Variants in GNAQ observed in about 807,000 individuals in gnomAD.
GNAQ encodes the protein G protein subunit alpha q.
Under a neutral mutation model 43.9 loss-of-function variants are expected in GNAQ, and 8 were observed. The observed-to-expected ratio is 0.18, with a 90% confidence interval of 0.11 to 0.33. GNAQ has a LOEUF of 0.33. GNAQ is among the 10% of genes least tolerant of loss of function. The pLI, the probability that GNAQ is intolerant of heterozygous loss-of-function variation, is 1.00. For missense variants in GNAQ, 158 were observed against 450.8 expected, an observed-to-expected ratio of 0.35 and a Z score of 5.88; for synonymous variants, 155 against 170.7, an observed-to-expected ratio of 0.91 and a Z score of 0.71.
chr9:77,992,828 C>G (rs1248767482), intron 1 of GNAQ, among the ~76,000 whole-genome samples: 1 of 151,922 alleles, frequency 6.6e-6, no homozygotes, highest in Non-Finnish European at 1.5e-5. Context: ...GCCTGTAATC[C>G]CAGCTACTTG....
Position 77,719,470 on chromosome 9 carries a change from A to C in GNAQ, c.*1853T>G. ...GTAAGCTGTGTTGTTTGAGGCTGGG[A>C]GAATCAAGGATGAGAACATCTCATT... On this transcript the variant is annotated 3_prime_UTR_variant, in exon 7 of 7. Coordinates refer to ENST00000286548, the MANE Select transcript of GNAQ (RefSeq NM_002072.5). 1 of 232,736 alleles carries C rather than the reference A, an allele frequency of 4.3e-6. No homozygotes were observed. Among genetic ancestry groups the C allele is most frequent in the Middle Eastern group, 1.3e-3 (1 of 786 alleles). 14.4% of individuals were successfully genotyped at this position (232,736 alleles called of 1,614,324 possible).
At chr9:77,936,818 C>T (rs539877849) in intron 1 of GNAQ, among the ~76,000 whole-genome samples, 2 of 152,134 alleles carry the variant, frequency 1.3e-5, no homozygotes, top group African/African-American at 4.8e-5. Flanking sequence ...GTACTTAAGG[C>T]TCTCCCAAGT....
intron 2 of GNAQ, among the ~76,000 whole-genome samples, chr9:77,912,451 C>T (rs968424842): frequency 1.3e-5 from 2 of 152,010 alleles, no homozygotes; most frequent in Non-Finnish European, 2.9e-5. Flanking sequence ...TAAAGAACTT[C>T]GAAGAAAATC....
chr9:77,988,904 G>T (rs1200904139), intron 1 of GNAQ, among the ~76,000 whole-genome samples: 1 of 152,126 alleles, frequency 6.6e-6, no homozygotes, highest in Non-Finnish European at 1.5e-5. Context: ...ATTTAGTAAG[G>T]ATGGCAGTAA....
intron 2 of GNAQ, among the ~76,000 whole-genome samples, chr9:77,835,871 CCTGT>C (rs377128683): frequency 1.2e-4 from 19 of 152,142 alleles, no homozygotes; most frequent in African/African-American, 3.6e-4. Flanking sequence ...TCTTCTCTTG[CCTGT>C]CTTTTATTTA....
At chr9:77,809,014 G>A (rs1826873187) in intron 3 of GNAQ, among the ~76,000 whole-genome samples, 1 of 152,156 alleles carries the variant, frequency 6.6e-6, no homozygotes, top group African/African-American at 2.4e-5. Flanking sequence ...TCTTCAAGAA[G>A]GACTGGCCCT....
chr9:77,995,362 C>G (rs896030788), intron 1 of GNAQ, among the ~76,000 whole-genome samples: 73 of 151,952 alleles, frequency 4.8e-4, no homozygotes, highest in African/African-American at 1.7e-3. Flanking sequence ...TATTAATGAC[C>G]AAGAATTACA....
chr9:77,771,911 C>CA (rs551982564), intron 5 of GNAQ, among the ~76,000 whole-genome samples: 6,241 of 150,908 alleles, frequency 0.041, 147 homozygotes, highest in Non-Finnish European at 0.047. Flanking sequence ...TCAAAAACAA[C>CA]AAAAAAAAAC....
chr9:77,955,205 C>T (rs533340308), intron 1 of GNAQ, among the ~76,000 whole-genome samples: 2 of 152,080 alleles, frequency 1.3e-5, no homozygotes, highest in Admixed American at 6.5e-5. Context: ...TGCGGTGGCA[C>T]GATCTTGGCT....
At chr9:77,795,060 C>T (rs1401875516) in intron 4 of GNAQ, among the ~76,000 whole-genome samples, 7 of 152,082 alleles carry the variant, frequency 4.6e-5, no homozygotes, top group Non-Finnish European at 8.8e-5. Context: ...CTATACAATT[C>T]AATATGGGTG....
intron 1 of GNAQ, among the ~76,000 whole-genome samples, chr9:77,998,133 T>C (rs1010005233): frequency 1.3e-5 from 2 of 152,122 alleles, no homozygotes; most frequent in African/African-American, 2.4e-5. Flanking sequence ...CCAATGCCCA[T>C]GTGCAGGAAG....
intron 2 of GNAQ, among the ~76,000 whole-genome samples, chr9:77,916,357 A>C (rs1828904639): frequency 6.6e-6 from 1 of 152,232 alleles, no homozygotes; most frequent in African/African-American, 2.4e-5. Context: ...GGCATTTTGT[A>C]AACTAAGAAA....
chr9:77,732,572 G>T (rs976609658), intron 5 of GNAQ, among the ~76,000 whole-genome samples: 3 of 152,156 alleles, frequency 2.0e-5, no homozygotes, highest in African/African-American at 4.8e-5. Context: ...CACCATGTTG[G>T]CCAGGCTGGT....
intron 1 of GNAQ, among the ~76,000 whole-genome samples, chr9:77,971,092 C>T (rs369087540): frequency 7.2e-5 from 11 of 152,000 alleles, no homozygotes; most frequent in Non-Finnish European, 1.3e-4. Flanking sequence ...AAGTTGAATC[C>T]CTGAATAGAC....
At position 77,716,580 on chromosome 9, in the gene GNAQ, A is replaced by C. The variant is rs1825230498; in HGVS notation, c.*4743T>G. 4.3e-6 allele frequency: 1 copy of C among 232,814 alleles called. No homozygotes were observed. Among genetic ancestry groups the C allele is most frequent in the Non-Finnish European group, 8.5e-6 (1 of 117,878 alleles). 14.4% of individuals were successfully genotyped at this position (232,814 alleles called of 1,614,324 possible). On this transcript the variant is annotated 3_prime_UTR_variant, in exon 7 of 7. Coordinates refer to ENST00000286548, the MANE Select transcript of GNAQ (RefSeq NM_002072.5). ...AATCCACCAAAAACGTGTTTCAGTC[A>C]AAGTAACCTGGACAAAGTTACGTAG... is the stretch of plus-strand genomic sequence containing the variant.
intron 3 of GNAQ, among the ~76,000 whole-genome samples, chr9:77,807,221 T>G (rs1037132218): frequency 6.6e-6 from 1 of 152,212 alleles, no homozygotes; most frequent in African/African-American, 2.4e-5. Flanking sequence ...AAAAAGGTGC[T>G]GAATGACCTT....
chr9:77,822,901 T>C (rs1284798709), intron 2 of GNAQ, among the ~76,000 whole-genome samples: 1 of 151,790 alleles, frequency 6.6e-6, no homozygotes, highest in Non-Finnish European at 1.5e-5. Context: ...CTCTTTATCC[T>C]ATGAAAAACG....
At chr9:78,002,030 A>T (rs1031000915) in intron 1 of GNAQ, among the ~76,000 whole-genome samples, 3 of 152,198 alleles carry the variant, frequency 2.0e-5, no homozygotes, top group African/African-American at 7.2e-5. Context: ...TATCCAGAAG[A>T]TAAAGATTTG....
chr9:77,849,757 C>T (rs1348323676), intron 2 of GNAQ, among the ~76,000 whole-genome samples: 2 of 152,168 alleles, frequency 1.3e-5, no homozygotes, highest in Non-Finnish European at 2.9e-5. Flanking sequence ...ACCTCAACCT[C>T]CTAGGCTCAA....
Sources: gnomAD v4.1 joint callset for allele counts (sites outside exome capture counted in the v4.1 genomes callset) on GRCh38, gnomAD v4.1.1 for gene constraint, MANE v1.5 for transcripts, NCBI Gene and HGNC (gene_info 2026-07-23, HGNC 2026-07-21) for gene names.